Variants in FBH1 observed in about 807,000 individuals in gnomAD.
FBH1 encodes the protein DNA 3'-5' helicase 1.
In FBH1, 43 loss-of-function variants were observed where a neutral mutation model predicts 115.5. The ratio of observed to expected loss-of-function variants is 0.37; its 90% CI spans 0.29 to 0.48. FBH1 has a LOEUF of 0.48. FBH1 is among the 20% of genes least tolerant of loss of function. The pLI is 0.99. For synonymous variants in FBH1, 524 were observed against 507.8 expected (o/e 1.03, Z -0.43); for missense variants, 1,001 against 1,337.3 (o/e 0.75, Z 3.92).
In FBH1 at chr10:5,937,451, C is replaced by G; in HGVS notation, c.*171C>G. On this transcript the variant is annotated 3_prime_UTR_variant, in exon 21 of 21. Coordinates refer to ENST00000362091, the MANE Select transcript of FBH1 (RefSeq NM_178150.3). ...CTGCCATTTCTCCACTCCCTACAGA[C>G]AGCCAGTCTCCACTTGCCTCCCCTC... The G allele has an allele frequency of 3.5e-6, 2 of 573,440 alleles. No homozygotes were observed. The highest frequency in any genetic ancestry group is 4.7e-5 in the South Asian group (1 of 21,180). The allele number at this position is 573,440 out of a possible 1,614,324, so 35.5% of individuals were successfully genotyped here.
Position 5,933,251 on chromosome 10 carries a change from A to G in FBH1, c.2830-3205A>G, listed in dbSNP as rs55865942. On this transcript the variant is annotated intron_variant, in intron 19 of 20. Coordinates refer to ENST00000362091, the MANE Select transcript of FBH1 (RefSeq NM_178150.3). This position sits in a 1 kb window ranked among gnomAD's most constrained non-coding sequence, Gnocchi z 4.9. ...AAAAATACAAAAATTAGCTGGGTGT[A>G]GTGGCGTATGCCTGTAATCCCAGCT... Among the ~76,000 whole-genome samples, 4 of 152,122 alleles carry G rather than the reference A, an allele frequency of 2.6e-5. No homozygotes were observed. Among genetic ancestry groups the G allele is most frequent in the Admixed American group, 6.5e-5 (1 of 15,276 alleles).
rs1361767583 is a variant in FBH1 at position 5,933,896 on chromosome 10, C to T, written c.2830-2560C>T. ...CAAACTCCTGACTTGAAGTGATCCA[C>T]TCGCCTCGGCCTCCCAAAGTGTTGG... On this transcript the variant is annotated intron_variant, in intron 19 of 20. Coordinates refer to ENST00000362091, the MANE Select transcript of FBH1 (RefSeq NM_178150.3). This position sits in a 1 kb window ranked among gnomAD's most constrained non-coding sequence, Gnocchi z 4.9. Among the ~76,000 whole-genome samples, 1 of 152,162 alleles carries T rather than the reference C, an allele frequency of 6.6e-6. No individual in the cohort carries two copies. The highest frequency in any genetic ancestry group is 1.5e-5 in the Non-Finnish European group (1 of 68,036).
intron 6 of FBH1, among the ~76,000 whole-genome samples, chr10:5,912,452 A>G (rs1302250729): frequency 6.9e-6 from 1 of 145,780 alleles, no homozygotes; most frequent in Non-Finnish European, 1.5e-5. Flanking sequence ...GGGGACAGGT[A>G]GATCAACTGT....
In FBH1 at chr10:5,895,033, A is replaced by T. The variant is rs1227672757; in HGVS notation, c.1+4687A>T. 8.7e-6 allele frequency: 14 copies of T among 1,604,492 alleles called. No individual in the cohort carries two copies. The highest frequency in any genetic ancestry group is 1.2e-5 in the Non-Finnish European group (14 of 1,173,474). On this transcript the variant is annotated intron_variant, in intron 1 of 20. Transcript: ENST00000362091. This position sits in a 1 kb window ranked among gnomAD's most constrained non-coding sequence, Gnocchi z 5.0. ...AGAGATAACACAGTTAACTGTTGAA[A>T]TTGGGCCATTCCCGTTTCACAGGCT...
In FBH1 at chr10:5,923,273, T is replaced by C. The variant is rs1177616029; in HGVS notation, c.2323-348T>C. 6.6e-6 allele frequency among the ~76,000 whole-genome samples: 1 copy of C among 152,240 alleles called. No individual in the cohort carries two copies. Among genetic ancestry groups the C allele is most frequent in the Non-Finnish European group, 1.5e-5 (1 of 68,042 alleles). ...ATTTGTGTTCTTTGGAATCGTCTTA[T>C]GTTCTTGGAAGATGCTTAAATTGCC... On this transcript the variant is annotated intron_variant, in intron 15 of 20. Transcript: ENST00000362091. The surrounding 1 kb of genome is among the most constrained non-coding windows in gnomAD (Gnocchi z 5.7).
intron 1 of FBH1, among the ~76,000 whole-genome samples, chr10:5,894,768 C>T (rs969232096): frequency 3.3e-5 from 5 of 152,136 alleles, no homozygotes; most frequent in African/African-American, 1.2e-4. Flanking sequence ...CTACTCCTTC[C>T]CACTAGAGCA....
rs761111155 is a variant in FBH1, at chr10:5,914,824, T to G, written c.1396+555T>G. Among the ~76,000 whole-genome samples, 1 of 152,208 alleles carries G rather than the reference T, an allele frequency of 6.6e-6. No individual in the cohort carries two copies. Among genetic ancestry groups the G allele is most frequent in the Non-Finnish European group, 1.5e-5 (1 of 68,044 alleles). ...CTGCCTGTAATCCCTTCCTGCTCCT[T>G]TTGTGGCTAAATACCCTGCTAACAA... On this transcript the variant is annotated intron_variant, in intron 8 of 20. Transcript: ENST00000362091. This position sits in a 1 kb window ranked among gnomAD's most constrained non-coding sequence, Gnocchi z 5.2.
Position 5,895,248 on chromosome 10 carries a change from G to A in FBH1, c.1+4902G>A. The A allele has an allele frequency of 2.6e-6, 4 of 1,550,970 alleles. No individual in the cohort carries two copies. The highest frequency in any genetic ancestry group is 1.2e-5 in the South Asian group (1 of 84,214). On this transcript the variant is annotated intron_variant, in intron 1 of 20. Transcript: ENST00000362091. The surrounding 1 kb of genome is among the most constrained non-coding windows in gnomAD (Gnocchi z 5.0). ...GCTGACTCCAAAATTGTCCAGATTA[G>A]CAAAACTGCCCTCTGTGGATCTTTG...
At chr10:5,908,644 C>G (rs1428221175) in intron 3 of FBH1, among the ~76,000 whole-genome samples, 2 of 151,878 alleles carry the variant, frequency 1.3e-5, no homozygotes, top group Non-Finnish European at 2.9e-5. Context: ...CTCTGTCACC[C>G]AGGCTAGCGT....
At chr10:5,893,643 TTA>T (rs1442409180) in intron 1 of FBH1, among the ~76,000 whole-genome samples, 2 of 152,222 alleles carry the variant, frequency 1.3e-5, no homozygotes, top group African/African-American at 2.4e-5. Context: ...CTAACTCTAT[TTA>T]TGTTTCTTTA....
At position 5,906,810 on chromosome 10, in the gene FBH1, C is replaced by T. The variant is rs1452590328; in HGVS notation, c.753+178C>T. Among the ~76,000 whole-genome samples, 1 of 152,176 alleles carries T rather than the reference C, an allele frequency of 6.6e-6. No homozygotes were observed. Among genetic ancestry groups the T allele is most frequent in the Non-Finnish European group, 1.5e-5 (1 of 68,028 alleles). On this transcript the variant is annotated intron_variant, in intron 3 of 20. Coordinates refer to ENST00000362091, the MANE Select transcript of FBH1 (RefSeq NM_178150.3). The surrounding 1 kb of genome is among the most constrained non-coding windows in gnomAD (Gnocchi z 7.3). ...CTGCCCCACCCTATGACTCTAGCCT[C>T]TTTGTTCACTTCCACTCAACACAGC...
intron 1 of FBH1, among the ~76,000 whole-genome samples, chr10:5,896,132 G>T (rs1048939111): frequency 1.3e-5 from 2 of 152,138 alleles, no homozygotes; most frequent in African/African-American, 4.8e-5. Context: ...GAGGAATGAG[G>T]GGATAGACGT....
chr10:5,913,705 C>A lies in FBH1; in HGVS notation c.1212-42C>A. ...AGGAAAAATAAGATGCAGATTGTGA[C>A]TTGAATTTGAGACTTTCTAAATCTA... On this transcript the variant is annotated intron_variant, in intron 6 of 20. Coordinates refer to ENST00000362091, the MANE Select transcript of FBH1 (RefSeq NM_178150.3). The surrounding 1 kb of genome is among the most constrained non-coding windows in gnomAD (Gnocchi z 4.4). 7.1e-7 allele frequency: 1 copy of A among 1,401,416 alleles called. No homozygotes were observed. Among genetic ancestry groups the A allele is most frequent in the Non-Finnish European group, 9.7e-7 (1 of 1,035,328 alleles). The allele number at this position is 1,401,416 out of a possible 1,614,324, so 86.8% of individuals were successfully genotyped here.
chr10:5,927,325 G>A, intron 18 of FBH1, 110 bp from the exon 19 acceptor site: 6 of 751,042 alleles, frequency 8.0e-6, no homozygotes, highest in South Asian at 6.8e-5. Flanking sequence ...ATGTTGAGTG[G>A]TTTTCTGCGG....
intron 1 of FBH1, chr10:5,894,170 A>T (rs1380152537): frequency 1.0e-6 from 1 of 985,270 alleles, no homozygotes; most frequent in African/African-American, 1.7e-5. Flanking sequence ...CTGGGAAAGG[A>T]GCTGGAGCTC....
intron 2 of FBH1, among the ~76,000 whole-genome samples, chr10:5,903,931 C>G (rs1843532046): frequency 6.6e-6 from 1 of 152,216 alleles, no homozygotes; most frequent in Admixed American, 6.5e-5. Context: ...GATTTTATCT[C>G]TGCTAAATCA....
At chr10:5,916,039 T>G in intron 9 of FBH1, 195 bp from the exon 10 acceptor site, 2 of 590,244 alleles carry the variant, frequency 3.4e-6, no homozygotes, top group South Asian at 4.1e-5. Context: ...TATTCTGGGT[T>G]GGTACATGTG....
In FBH1 at chr10:5,924,508, G is replaced by A; in HGVS notation, c.2596G>A (p.Glu866Lys). The A allele has an allele frequency of 6.2e-7, 1 of 1,613,562 alleles. No homozygotes were observed. Residue 866 changes from glutamate (E) to lysine (K), a missense_variant and splice_region_variant, in exon 17 of 21, where the codon GAG (glutamate) becomes AAG (lysine). Transcript: ENST00000362091. The surrounding 1 kb of genome is among the most constrained non-coding windows in gnomAD (Gnocchi z 6.2). ...KCHIEDLDFAEYILGTVHKAK... is the reference protein window; with the variant it reads ...KCHIEDLDFAKYILGTVHKAK... ...CCATATAGAAGATTTGGACTTTGCA[G>A]GTAAGGGAAGCAGTTGGTTTTTACC... is the stretch of plus-strand genomic sequence containing the variant.
chr10:5,908,686 A>G (rs1831362697), intron 3 of FBH1, among the ~76,000 whole-genome samples: 1 of 151,222 alleles, frequency 6.6e-6, no homozygotes, highest in Non-Finnish European at 1.5e-5. Context: ...GGCTCACTGC[A>G]ACCTCCGCCT....
Sources: allele counts gnomAD v4.1 joint callset (sites outside exome capture counted in the v4.1 genomes callset), GRCh38; gene constraint gnomAD v4.1.1; non-coding constraint Gnocchi (gnomAD v3.1); transcripts MANE v1.5; gene names NCBI Gene and HGNC (gene_info 2026-07-23, HGNC 2026-07-21).